Variants in RPS6KA6 observed in about 807,000 individuals in gnomAD.
The protein encoded by RPS6KA6 is ribosomal protein S6 kinase A6.
A neutral mutation model predicts 65.4 loss-of-function variants in RPS6KA6; 27 were observed. The observed-to-expected ratio is 0.41, with a 90% CI of 0.30 to 0.57. RPS6KA6 has a LOEUF of 0.57. RPS6KA6 is among the 20% of genes least tolerant of loss of function. The pLI is 0.24. For synonymous variants in RPS6KA6, 190 were observed against 184.2 expected (o/e 1.03, Z -0.26); for missense variants, 486 against 555.6 (o/e 0.87, Z 1.26).
In RPS6KA6 at chrX:84,106,496, T is replaced by G. The variant is rs779916448; in HGVS notation, c.1243-9A>C. The G allele has an allele frequency of 9.4e-7, 1 of 1,069,397 alleles. No individual in the cohort carries two copies. The highest frequency in any genetic ancestry group is 1.3e-6 in the Non-Finnish European group (1 of 785,032). 88.1% of individuals were successfully genotyped at this position (1,069,397 alleles called of 1,213,427 possible). On this transcript the variant is annotated splice_polypyrimidine_tract_variant and intron_variant, in intron 14 of 21. Transcript: ENST00000262752. ...GCAGCATTTCCATTTATCTGTTTAT[T>G]TTTAAAAAGTAAAATACTAAGGAGA...
At position 84,187,673 on chromosome X, in the gene RPS6KA6, C is replaced by G. The variant is rs1051291067; in HGVS notation, c.81+146G>C. On this transcript the variant is annotated intron_variant, in intron 1 of 21. Transcript: ENST00000262752. The stretch of plus-strand genomic sequence containing the variant: ...CGTCTCATCCCCGCCCGCTCCCCAG[C>G]GAAAGGGCAGTGGAGGCAGCATCAA... 8.1e-6 allele frequency: 4 copies of G among 496,140 alleles called. No homozygotes were observed. The African/African-American group carries it at 1.0e-4, about 12-fold the overall frequency. 40.9% of individuals were successfully genotyped at this position (496,140 alleles called of 1,213,427 possible). A position where few individuals can be genotyped will look rare whatever the true frequency, so the allele number is the denominator to read the frequency against.
At chrX:84,098,151 A>G (rs1201657778) in intron 18 of RPS6KA6, among the ~76,000 whole-genome samples, 3 of 111,068 alleles carry the variant, frequency 2.7e-5, no homozygotes, top group Admixed American at 9.6e-5. Flanking sequence ...CAATATTCCA[A>G]TTTTGAAGAT....
intron 8 of RPS6KA6, among the ~76,000 whole-genome samples, chrX:84,127,700 AAAG>A (rs754994348): frequency 1.4e-4 from 15 of 111,014 alleles, no homozygotes; most frequent in Non-Finnish European, 2.6e-4. Context: ...ATACCAACAA[AAAG>A]AAGGACAAAA....
In RPS6KA6 at chrX:84,061,833, A is replaced by T. The variant is rs2033306738; in HGVS notation, c.*2444T>A. On this transcript the variant is annotated 3_prime_UTR_variant, in exon 22 of 22. Transcript: ENST00000262752. ...TAGAAAAGATGTGTTTTTACTAGTT[A>T]AGCATTGATAGAAGTCCCATCAAAA... 8.9e-6 allele frequency: 1 copy of T among 111,829 alleles called. No individual in the cohort carries two copies. Among genetic ancestry groups the T allele is most frequent in the Non-Finnish European group, 1.9e-5 (1 of 53,061 alleles). The allele number at this position is 111,829 out of a possible 1,213,427, so 9.2% of individuals were successfully genotyped here.
chrX:84,170,900 G>C (rs1166273429), intron 1 of RPS6KA6, among the ~76,000 whole-genome samples: 1 of 111,145 alleles, frequency 9.0e-6, no homozygotes, highest in East Asian at 2.8e-4. Flanking sequence ...TGTCATATAA[G>C]ACTCTAGAGG....
intron 11 of RPS6KA6, among the ~76,000 whole-genome samples, chrX:84,116,620 T>A (rs2034572108): frequency 9.1e-6 from 1 of 110,435 alleles, no homozygotes; most frequent in African/African-American, 3.3e-5. Context: ...TACAAAGGAA[T>A]AAAGTGACAC....
intron 20 of RPS6KA6, among the ~76,000 whole-genome samples, chrX:84,066,981 C>T (rs1184856967): frequency 9.0e-6 from 1 of 111,623 alleles, no homozygotes; most frequent in Non-Finnish European, 1.9e-5. Flanking sequence ...CCAAGGTGAA[C>T]AGGGGCTGGA....
At chrX:84,135,076 A>G in intron 7 of RPS6KA6, 28 bp downstream of exon 7, 1 of 1,052,895 alleles carries the variant, frequency 9.5e-7, no homozygotes, top group Non-Finnish European at 1.3e-6. Flanking sequence ...AATACAGACA[A>G]CATGAAAACA....
Position 84,182,286 on chromosome X carries a change from A to G in RPS6KA6, c.81+5533T>C, listed in dbSNP as rs752301708. On this transcript the variant is annotated intron_variant, in intron 1 of 21. Transcript: ENST00000262752. ...CCTACCTAAAAACAAACAAAAATAA[A>G]GAAAATACACAACAAAAAAAAATAT... 5.1e-4 allele frequency among the ~76,000 whole-genome samples: 57 copies of G among 111,479 alleles called. No individual in the cohort carries two copies. In the Admixed American group the frequency reaches 5.5e-3, roughly 11 times the overall value.
chrX:84,116,686 G>A (rs2034573997), intron 11 of RPS6KA6, among the ~76,000 whole-genome samples: 1 of 109,287 alleles, frequency 9.2e-6, no homozygotes, highest in Admixed American at 1.0e-4. Context: ...ACAGGGAAAG[G>A]CTACCAGAAA....
At chrX:84,171,276 T>C (rs1164740396) in intron 1 of RPS6KA6, among the ~76,000 whole-genome samples, 1 of 111,414 alleles carries the variant, frequency 9.0e-6, no homozygotes, top group African/African-American at 3.3e-5. Flanking sequence ...CAAGCCCAGA[T>C]TCCTGATCCA....
At chrX:84,164,441 A>T (rs2035566662) in intron 1 of RPS6KA6, 54 bp from the exon 2 acceptor site, 1 of 852,010 alleles carries the variant, frequency 1.2e-6, no homozygotes, top group East Asian at 3.2e-5. Context: ...CAAGAGTGAT[A>T]ACTAAGAAAA....
chrX:84,148,312 T>C (rs2035237115), intron 3 of RPS6KA6, among the ~76,000 whole-genome samples, 189 bp from the exon 4 acceptor site: 1 of 110,308 alleles, frequency 9.1e-6, no homozygotes, highest in South Asian at 3.9e-4. Context: ...CCTGATCTGA[T>C]CCCCATACAT....
intron 8 of RPS6KA6, among the ~76,000 whole-genome samples, chrX:84,133,530 T>A (rs1414488917): frequency 9.0e-6 from 1 of 111,136 alleles, no homozygotes; most frequent in Non-Finnish European, 1.9e-5. Context: ...AAAAGCAGAA[T>A]TAAAATGAGA....
intron 1 of RPS6KA6, among the ~76,000 whole-genome samples, chrX:84,172,072 A>C (rs765946069): frequency 8.9e-6 from 1 of 111,917 alleles, no homozygotes; most frequent in Admixed American, 9.5e-5. Context: ...TTCTTTATCC[A>C]GTCTATCACT....
intron 12 of RPS6KA6, among the ~76,000 whole-genome samples, chrX:84,110,856 G>T (rs1448334397): frequency 9.0e-6 from 1 of 110,719 alleles, no homozygotes; most frequent in Admixed American, 9.7e-5. Context: ...TTAATCAAAT[G>T]AAAACTTTGA....
intron 1 of RPS6KA6, among the ~76,000 whole-genome samples, chrX:84,178,554 C>T (rs1371417431): frequency 9.0e-6 from 1 of 111,687 alleles, no homozygotes; most frequent in Non-Finnish European, 1.9e-5. Flanking sequence ...TTATTAACAC[C>T]ATATATCTAT....
chrX:84,164,545 G>A (rs919636701), intron 1 of RPS6KA6, among the ~76,000 whole-genome samples, 158 bp from the exon 2 acceptor site: 6 of 111,788 alleles, frequency 5.4e-5, no homozygotes, highest in African/African-American at 1.9e-4. Context: ...CTTAGAAAAG[G>A]AACACTATTA....
intron 20 of RPS6KA6, among the ~76,000 whole-genome samples, chrX:84,066,207 T>G (rs1280177381): frequency 1.1e-5 from 1 of 89,470 alleles, no homozygotes; most frequent in East Asian, 3.3e-4. Context: ...CTAGCTGCAG[T>G]TTTTTTTTTT....
Sources: allele counts gnomAD v4.1 joint callset (sites outside exome capture counted in the v4.1 genomes callset), GRCh38; gene constraint gnomAD v4.1.1; transcripts MANE v1.5; gene names NCBI Gene and HGNC (gene_info 2026-07-23, HGNC 2026-07-21).